SNX4: variants seen among roughly 807,000 people sequenced by gnomAD.
The protein encoded by SNX4 is sorting nexin 4.
SNX4 carries 49 observed loss-of-function variants against 70.8 expected under a neutral mutation model. The ratio of observed to expected loss-of-function variants is 0.69; its 90% CI spans 0.55 to 0.88. The LOEUF (loss-of-function observed/expected upper bound fraction) is 0.88, where lower values mean the gene tolerates loss of function less well. Ranked by LOEUF, SNX4 falls within the 40% of genes least tolerant of loss-of-function variation. The pLI, the probability that SNX4 is intolerant of heterozygous loss-of-function variation, is 0.00. For missense variants in SNX4, 528 were observed against 544.8 expected, an observed-to-expected ratio of 0.97 and a Z score of 0.31; for synonymous variants, 206 against 183.8, an observed-to-expected ratio of 1.12 and a Z score of -0.98.
chr3:125,495,275 T>TATATATATATATATATATAC lies in SNX4; in HGVS notation c.597+2065_597+2066insGTATATATATATATATATAT. On this transcript the variant is annotated intron_variant, in intron 5 of 13. Coordinates refer to ENST00000251775, the MANE Select transcript of SNX4 (RefSeq NM_003794.4). ...TTATATATATATATATATATATATATATACACATACACACACACACACGTA... is the reference window on the plus strand; with the variant it reads ...TTATATATATATATATATATATATATATATATATATATATATATACATACACATACACACACACACACGTA... 9.9e-4 allele frequency among the ~76,000 whole-genome samples: 82 copies of TATATATATATATATATATAC among 83,034 alleles called. 1 individual carries two copies. Among genetic ancestry groups the TATATATATATATATATATAC allele is most frequent in the African/African-American group, 2.7e-3 (75 of 27,562 alleles). 54.5% of individuals were successfully genotyped at this position (83,034 alleles called of 152,430 possible).
intron 1 of SNX4, among the ~76,000 whole-genome samples, chr3:125,516,200 G>A (rs1057237227): frequency 4.6e-5 from 7 of 151,952 alleles, no homozygotes; most frequent in Non-Finnish European, 1.0e-4. Context: ...ACTGTAAATG[G>A]TTTTTCTCTG....
chr3:125,482,352 A>C (rs1348239699), intron 6 of SNX4, among the ~76,000 whole-genome samples: 2 of 152,212 alleles, frequency 1.3e-5, no homozygotes, highest in African/African-American at 4.8e-5. Flanking sequence ...ACTCTAAAGA[A>C]TGAAAACCTG....
In SNX4 at chr3:125,504,717, T is replaced by C; in HGVS notation, c.169A>G (p.Lys57Glu). Residue 57 changes from lysine (K) to glutamate (E), a missense_variant, in exon 2 of 14, where the codon AAG becomes GAG. By Grantham distance (56) the Lys-to-Glu change is moderately conservative. Transcript: ENST00000251775. ...TMTHNNFWLKKIEISVSEAEK... is the reference protein window; with the variant it reads ...TMTHNNFWLKEIEISVSEAEK... ...GCTTCTGAAACACTGATTTCTATCT[T>C]CTTCAACCAAAAATTATTGTGTGTC... 6.2e-7 allele frequency: 1 copy of C among 1,613,872 alleles called. No individual in the cohort carries two copies. The highest frequency in any genetic ancestry group is 8.5e-7 in the Non-Finnish European group (1 of 1,179,932).
chr3:125,462,473 C>G (rs911420126), intron 9 of SNX4, among the ~76,000 whole-genome samples: 2 of 151,388 alleles, frequency 1.3e-5, no homozygotes, highest in African/African-American at 2.4e-5. Context: ...GCCTATAGTC[C>G]CAGGTGCTCA....
At chr3:125,515,238 GCT>G (rs1262201571) in intron 1 of SNX4, among the ~76,000 whole-genome samples, 1 of 152,022 alleles carries the variant, frequency 6.6e-6, no homozygotes, top group Non-Finnish European at 1.5e-5. Flanking sequence ...TATAGTCCCA[GCT>G]ACTCAGGAGG....
At chr3:125,471,459 T>C (rs1478763601) in intron 8 of SNX4, among the ~76,000 whole-genome samples, 1 of 151,694 alleles carries the variant, frequency 6.6e-6, no homozygotes, top group East Asian at 1.9e-4. Flanking sequence ...CTTTGAGCTC[T>C]GAGGTACATA....
Position 125,495,285 on chromosome 3 carries a change from C to CAT in SNX4, c.597+2055_597+2056insAT, listed in dbSNP as rs144579998. ...ATATATATATATATATATACACATA[C>CAT]ACACACACACACGTATGTTATTTAC... On this transcript the variant is annotated intron_variant, in intron 5 of 13. Transcript: ENST00000251775. Among the ~76,000 whole-genome samples the CAT allele has an allele frequency of 1.8e-4, 11 of 61,810 alleles. 1 individual carries two copies. The highest frequency in any genetic ancestry group is 4.6e-4 in the Admixed American group (3 of 6,478). 40.5% of individuals were successfully genotyped at this position (61,810 alleles called of 152,430 possible).
chr3:125,509,669 C>G lies in SNX4; in HGVS notation c.142-4925G>C, dbSNP rs550691750. On this transcript the variant is annotated intron_variant, in intron 1 of 13. Coordinates refer to ENST00000251775, the MANE Select transcript of SNX4 (RefSeq NM_003794.4). ...TTGGGAGGCTGAGGCAGGAGAATCA[C>G]TTGAGCCTGGGAGGCAGAGGTTGCA... Among the ~76,000 whole-genome samples, 15 of 145,492 alleles carry G rather than the reference C, an allele frequency of 1.0e-4. No individual in the cohort carries two copies. In the South Asian group the frequency reaches 3.4e-3, roughly 33 times the overall value.
At chr3:125,469,090 A>G (rs2107536363) in intron 9 of SNX4, among the ~76,000 whole-genome samples, 1 of 152,324 alleles carries the variant, frequency 6.6e-6, no homozygotes, top group Admixed American at 6.5e-5. Flanking sequence ...AGAAAGCCTC[A>G]ATATTTCACT....
At chr3:125,483,587 C>T (rs1404886542) in intron 6 of SNX4, among the ~76,000 whole-genome samples, 1 of 152,202 alleles carries the variant, frequency 6.6e-6, no homozygotes, top group African/African-American at 2.4e-5. Context: ...AAAAGGCACA[C>T]TAAAGTTTCT....
rs545176634 is a variant in SNX4, at chr3:125,519,948, G to GGCCCA, written c.141+79_141+83dup. On this transcript the variant is annotated intron_variant, in intron 1 of 13. Transcript: ENST00000251775. ...TCGGCCGAGCCCACTGGCCCGGCCCGGCCCAGCCCAGCCCAGCCCAGCCCA... is the reference window on the plus strand; with the variant it reads ...TCGGCCGAGCCCACTGGCCCGGCCCGGCCCAGCCCAGCCCAGCCCAGCCCAGCCCA... 3.0e-4 allele frequency: 233 copies of GGCCCA among 775,240 alleles called. 1 individual carries two copies. The highest frequency in any genetic ancestry group is 1.2e-3 in the East Asian group (24 of 20,026). The allele number at this position is 775,240 out of a possible 1,614,324, so 48.0% of individuals were successfully genotyped here. A position where few individuals can be genotyped will look rare whatever the true frequency, so the allele number is the denominator to read the frequency against.
intron 8 of SNX4, among the ~76,000 whole-genome samples, chr3:125,473,145 C>A (rs1008712602): frequency 1.2e-4 from 18 of 152,132 alleles, no homozygotes; most frequent in African/African-American, 3.9e-4. Context: ...ACAGTGAGCA[C>A]AGCGCCCAAT....
chr3:125,495,306 T>A (rs1934770353), intron 5 of SNX4, among the ~76,000 whole-genome samples: 1 of 78,234 alleles, frequency 1.3e-5, no homozygotes, highest in Non-Finnish European at 3.0e-5. Flanking sequence ...ACGTATGTTA[T>A]TTACATATGA....
At chr3:125,509,925 A>G (rs150199827) in intron 1 of SNX4, among the ~76,000 whole-genome samples, 82 of 152,250 alleles carry the variant, frequency 5.4e-4, no homozygotes, top group African/African-American at 1.9e-3. Flanking sequence ...CACCTATTAG[A>G]ATGGCTACTA....
At chr3:125,510,739 A>G (rs1407088501) in intron 1 of SNX4, among the ~76,000 whole-genome samples, 1 of 152,202 alleles carries the variant, frequency 6.6e-6, no homozygotes, top group Non-Finnish European at 1.5e-5. Context: ...AGACAGTAGA[A>G]TGATGGCTGC....
chr3:125,460,074 A>G (rs1933837194), intron 10 of SNX4, among the ~76,000 whole-genome samples: 1 of 151,704 alleles, frequency 6.6e-6, no homozygotes, highest in South Asian at 2.1e-4. Flanking sequence ...GGCGCCTGTA[A>G]TCCCAGCTAC....
intron 9 of SNX4, among the ~76,000 whole-genome samples, chr3:125,464,567 T>C (rs1255702929): frequency 6.4e-5 from 6 of 93,550 alleles, no homozygotes; most frequent in Admixed American, 3.2e-4. Context: ...TATCTTTCTT[T>C]TTTTTTTTTT....
At chr3:125,506,817 T>TAAAAAAAAAAAAAAAAAAAAA (rs71148182) in intron 1 of SNX4, among the ~76,000 whole-genome samples, 3 of 26,832 alleles carry the variant, frequency 1.1e-4, no homozygotes, top group Non-Finnish European at 1.6e-4. Context: ...GTGGAGAAAG[T>TAAAAAAAAAAAAAAAAAAAAA]AAAAAAAAAA....
chr3:125,461,300 A>G (rs1933877203), intron 9 of SNX4, among the ~76,000 whole-genome samples: 1 of 152,230 alleles, frequency 6.6e-6, no homozygotes, highest in South Asian at 2.1e-4. Flanking sequence ...GCTACCCATC[A>G]GTGATGTTGT....
Sources: gnomAD v4.1 joint callset for allele counts (sites outside exome capture counted in the v4.1 genomes callset) on GRCh38, gnomAD v4.1.1 for gene constraint, MANE v1.5 for transcripts, NCBI Gene and HGNC (gene_info 2026-07-23, HGNC 2026-07-21) for gene names.